Variants in KHDRBS3 observed in about 807,000 individuals in gnomAD.
The protein encoded by KHDRBS3 is KH domain-containing, RNA-binding, signal transduction-associated protein 3.
A neutral mutation model predicts 45.6 loss-of-function variants in KHDRBS3; 23 were observed. The observed-to-expected ratio is 0.50, with a 90% CI of 0.36 to 0.72. The LOEUF is 0.72. KHDRBS3 is among the 30% of genes least tolerant of loss of function. KHDRBS3 has a pLI of 0.00. For synonymous variants in KHDRBS3, 162 were observed against 156.5 expected, an observed-to-expected ratio of 1.04 and a Z score of -0.26; for missense variants, 352 against 424.8, an observed-to-expected ratio of 0.83 and a Z score of 1.51.
At chr8:135,504,975 G>A (rs1038507981) in intron 1 of KHDRBS3, among the ~76,000 whole-genome samples, 5 of 152,164 alleles carry the variant, frequency 3.3e-5, no homozygotes, top group Admixed American at 6.5e-5. Flanking sequence ...AGCTCTTCAA[G>A]ATGTAGTCGA....
At chr8:135,458,956 G>C in intron 1 of KHDRBS3, 1 of 456,232 alleles carries the variant, frequency 2.2e-6, no homozygotes, top group Non-Finnish European at 4.4e-6. Context: ...ACTTTTCCTG[G>C]AATATGTGTT....
chr8:135,572,444 A>G (rs779035587), intron 5 of KHDRBS3, among the ~76,000 whole-genome samples: 2 of 152,230 alleles, frequency 1.3e-5, no homozygotes, highest in Non-Finnish European at 2.9e-5. Flanking sequence ...ACAATGTAGG[A>G]TAAGGAAGCA....
At chr8:135,530,180 CA>C (rs1457092904) in intron 2 of KHDRBS3, among the ~76,000 whole-genome samples, 6 of 152,074 alleles carry the variant, frequency 3.9e-5, no homozygotes, top group Admixed American at 2.0e-4. Context: ...ATTGCTGAAC[CA>C]AAAAGCAAAA....
chr8:135,461,514 A>G (rs895005185), intron 1 of KHDRBS3, among the ~76,000 whole-genome samples: 10 of 152,220 alleles, frequency 6.6e-5, no homozygotes, highest in African/African-American at 2.2e-4. Context: ...TGGTGCCTGT[A>G]GGGTGAATTG....
chr8:135,651,761 CAT>C (rs1278865700), downstream of KHDRBS3, among the ~76,000 whole-genome samples: 1 of 152,168 alleles, frequency 6.6e-6, no homozygotes, highest in African/African-American at 2.4e-5. Flanking sequence ...CATCTCTTCA[CAT>C]AGTTATTTGA....
intron 6 of KHDRBS3, among the ~76,000 whole-genome samples, chr8:135,603,158 T>G (rs1378538926): frequency 6.6e-6 from 1 of 152,204 alleles, no homozygotes; most frequent in African/African-American, 2.4e-5. Context: ...ACATGGCAAT[T>G]GACTTGTAGA....
At chr8:135,648,525 C>T (rs191448376), downstream of KHDRBS3, 1 of 151,878 alleles carries the variant, frequency 6.6e-6, no homozygotes, top group Non-Finnish European at 1.5e-5. Context: ...GTAAAAAGGT[C>T]TTTTCTTTTG....
chr8:135,469,141 C>T (rs1786065289), intron 1 of KHDRBS3, among the ~76,000 whole-genome samples: 1 of 152,180 alleles, frequency 6.6e-6, no homozygotes, highest in Admixed American at 6.5e-5. Flanking sequence ...CAAAATTATA[C>T]CCCTTTTATT....
chr8:135,639,602 C>T (rs959142768), intron 7 of KHDRBS3, among the ~76,000 whole-genome samples: 14 of 152,124 alleles, frequency 9.2e-5, no homozygotes, highest in African/African-American at 3.4e-4. Flanking sequence ...GTATTCAAGC[C>T]ATTTTTGCAT....
At chr8:135,500,208 A>G (rs1280083981) in intron 1 of KHDRBS3, among the ~76,000 whole-genome samples, 2 of 152,186 alleles carry the variant, frequency 1.3e-5, no homozygotes, top group Non-Finnish European at 2.9e-5. Context: ...TCAGTGAGAG[A>G]AAATTCAGTT....
chr8:135,649,654 C>T (rs1278600414), downstream of KHDRBS3, among the ~76,000 whole-genome samples: 1 of 151,938 alleles, frequency 6.6e-6, no homozygotes, highest in East Asian at 1.9e-4. Context: ...TGACGTCCAC[C>T]ACATCTCTGT....
chr8:135,571,580 A>G (rs1827704421), intron 5 of KHDRBS3, among the ~76,000 whole-genome samples: 2 of 152,176 alleles, frequency 1.3e-5, no homozygotes, highest in Non-Finnish European at 2.9e-5. Flanking sequence ...AAAGAGTGCC[A>G]TGAAAATACA....
At chr8:135,518,126 A>G (rs900846459) in intron 1 of KHDRBS3, among the ~76,000 whole-genome samples, 1 of 152,126 alleles carries the variant, frequency 6.6e-6, no homozygotes, top group Non-Finnish European at 1.5e-5. Flanking sequence ...AATATTGTAC[A>G]TCTGGTGTGA....
chr8:135,584,649 C>A (rs1400481655), intron 6 of KHDRBS3, among the ~76,000 whole-genome samples: 1 of 152,190 alleles, frequency 6.6e-6, no homozygotes, highest in Admixed American at 6.5e-5. Context: ...ATATAACAAA[C>A]TTTGCTGGTA....
In KHDRBS3 at chr8:135,594,837, G is replaced by A. The variant is rs575704093; in HGVS notation, c.808-12118G>A. ...TTTGGAAAAATGTCTGACACATTTG[G>A]CTGTCTGTTATGAGCACAGGCCTCC... is the stretch of plus-strand genomic sequence containing the variant. On this transcript the variant is annotated intron_variant, in intron 6 of 8. Coordinates refer to ENST00000355849, the MANE Select transcript of KHDRBS3 (RefSeq NM_006558.3). Among the ~76,000 whole-genome samples the A allele has an allele frequency of 2.6e-5, 4 of 152,288 alleles. No individual in the cohort carries two copies. The South Asian group carries it at 6.2e-4, about 24-fold the overall frequency.
intron 1 of KHDRBS3, among the ~76,000 whole-genome samples, chr8:135,485,842 T>TTATGTATATATATATATATATATA (rs1554615384): frequency 4.2e-5 from 5 of 120,344 alleles, no homozygotes; most frequent in African/African-American, 1.9e-4. Flanking sequence ...CATTTCAAGT[T>TTATGTATATATATATATATATATA]TATATATATA....
intron 1 of KHDRBS3, among the ~76,000 whole-genome samples, chr8:135,501,417 C>T (rs1209370144): frequency 6.6e-6 from 1 of 152,110 alleles, no homozygotes; most frequent in African/African-American, 2.4e-5. Context: ...CGTATTGTTT[C>T]TATGAGTTGC....
intron 4 of KHDRBS3, among the ~76,000 whole-genome samples, chr8:135,551,645 A>G (rs965022465): frequency 1.3e-5 from 2 of 152,116 alleles, no homozygotes; most frequent in African/African-American, 4.8e-5. Context: ...GTTGCTAGAT[A>G]TGGTTTACTA....
intron 1 of KHDRBS3, among the ~76,000 whole-genome samples, chr8:135,477,239 G>A (rs533244421): frequency 1.1e-3 from 173 of 152,200 alleles, no homozygotes; most frequent in Middle Eastern, 6.8e-3. Flanking sequence ...CTAAGCCTGA[G>A]AAGTTAAATC....
Sources: allele counts gnomAD v4.1 joint callset (sites outside exome capture counted in the v4.1 genomes callset), GRCh38; gene constraint gnomAD v4.1.1; transcripts MANE v1.5; gene names NCBI Gene and HGNC (gene_info 2026-07-23, HGNC 2026-07-21).